Variants in RPA2 observed in about 807,000 individuals in gnomAD.
The protein encoded by RPA2 is replication protein A 32 kDa subunit.
Under a neutral mutation model 33.4 loss-of-function variants are expected in RPA2, and 22 were observed. The observed-to-expected ratio is 0.66, with a 90% CI of 0.47 to 0.94. The LOEUF (loss-of-function observed/expected upper bound fraction) is 0.94. RPA2 is among the 40% of genes least tolerant of loss of function. RPA2 has a pLI of 0.00. For missense variants in RPA2, 279 were observed against 329.9 expected, an observed-to-expected ratio of 0.85 and a Z score of 1.19; for synonymous variants, 109 against 114.9, an observed-to-expected ratio of 0.95 and a Z score of 0.33.
chr1:27,912,276 GCT>G (rs2148662917), intron 2 of RPA2, among the ~76,000 whole-genome samples: 1 of 152,052 alleles, frequency 6.6e-6, no homozygotes, highest in African/African-American at 2.4e-5. Flanking sequence ...GGGAATGGTG[GCT>G]CACACCTGTA....
At chr1:27,909,880 T>C (rs776412665) in intron 2 of RPA2, among the ~76,000 whole-genome samples, 3 of 152,232 alleles carry the variant, frequency 2.0e-5, no homozygotes, top group Non-Finnish European at 4.4e-5. Context: ...GCTATTATTA[T>C]ATTAGCTATT....
rs1312112056 is a variant in RPA2, at chr1:27,914,517, G to T, written c.-74C>A. 6.3e-6 allele frequency: 10 copies of T among 1,598,594 alleles called. No individual in the cohort carries two copies. Among genetic ancestry groups the T allele is most frequent in the Non-Finnish European group, 8.5e-6 (10 of 1,173,420 alleles). On this transcript the variant is annotated 5_prime_UTR_variant, in exon 1 of 9. Coordinates refer to ENST00000373912, the MANE Select transcript of RPA2 (RefSeq NM_002946.5). ...GAATAGCGGAAAACCACAGAACGCG[G>T]CCGCCACTGCGCCGCTCTGGCTACT...
chr1:27,914,486 C>T lies in RPA2; in HGVS notation c.-43G>A, dbSNP rs747971611. 3.7e-5 allele frequency: 59 copies of T among 1,593,708 alleles called. No homozygotes were observed. Among genetic ancestry groups the T allele is most frequent in the Non-Finnish European group, 5.0e-5 (58 of 1,169,770 alleles). ...GCAAAGAGGCCGAGAAGGTGCGGGT[C>T]TGGGGGAATAGCGGAAAACCACAGA... On this transcript the variant is annotated 5_prime_UTR_variant, in exon 1 of 9. Transcript: ENST00000373912.
chr1:27,894,786 C>T (rs1307976732), intron 6 of RPA2, among the ~76,000 whole-genome samples: 1 of 152,114 alleles, frequency 6.6e-6, no homozygotes, highest in Non-Finnish European at 1.5e-5. Context: ...GAGACACAGT[C>T]CCTATCGTCC....
At chr1:27,902,781 A>G (rs974171801) in intron 4 of RPA2, among the ~76,000 whole-genome samples, 1 of 151,396 alleles carries the variant, frequency 6.6e-6, no homozygotes, top group Non-Finnish European at 1.5e-5. Context: ...TGTTAAGGGT[A>G]TGGAAACTAA....
intron 6 of RPA2, among the ~76,000 whole-genome samples, chr1:27,895,586 C>A (rs1017115098): frequency 6.6e-6 from 1 of 151,236 alleles, no homozygotes; most frequent in Non-Finnish European, 1.5e-5. Flanking sequence ...GTGGTGGCAG[C>A]CGGGTGTGGT....
chr1:27,894,120 T>A lies in RPA2; in HGVS notation c.634-14A>T, dbSNP rs1353083717. The A allele has an allele frequency of 6.2e-7, 1 of 1,610,564 alleles. No individual in the cohort carries two copies. The highest frequency in any genetic ancestry group is 1.7e-5 in the Admixed American group (1 of 59,972). ...CAAATTCAACACCTGAAGATTCAAA[T>A]CAGAAAGATTTTAGCAATTATTTTG... is the stretch of plus-strand genomic sequence containing the variant. On this transcript the variant is annotated splice_polypyrimidine_tract_variant and intron_variant, in intron 7 of 8. Transcript: ENST00000373912.
chr1:27,895,751 C>CAAAAAA (rs1233427467), intron 6 of RPA2, among the ~76,000 whole-genome samples: 1 of 152,030 alleles, frequency 6.6e-6, no homozygotes, highest in Non-Finnish European at 1.5e-5. Flanking sequence ...AAAACAAAAA[C>CAAAAAA]AAAAAACCCA....
rs1489272556 is a variant in RPA2, at chr1:27,907,285, G to T, written c.118-3C>A. ...ACAATGTGCTGGGCTCGGGCTCTCT[G>T]AAAAGAAAAAACATGCAAAATTCAA... On this transcript the variant is annotated splice_polypyrimidine_tract_variant and splice_region_variant and intron_variant, in intron 2 of 8. Coordinates refer to ENST00000373912, the MANE Select transcript of RPA2 (RefSeq NM_002946.5). The T allele has an allele frequency of 1.3e-6, 2 of 1,592,124 alleles. No homozygotes were observed. The highest frequency in any genetic ancestry group is 1.7e-6 in the Non-Finnish European group (2 of 1,172,882).
intron 4 of RPA2, among the ~76,000 whole-genome samples, chr1:27,901,465 C>T (rs867240360): frequency 1.3e-5 from 2 of 151,532 alleles, no homozygotes; most frequent in African/African-American, 2.4e-5. Context: ...TGGGTTCAAG[C>T]GATTCTCCTG....
At chr1:27,899,513 GA>G (rs67126026) in intron 4 of RPA2, among the ~76,000 whole-genome samples, 32,575 of 108,736 alleles carry the variant, frequency 0.3, 3,097 homozygotes, top group East Asian at 0.45. Flanking sequence ...AAAAAAAAAA[GA>G]AAAAAAAAAA....
Position 27,906,932 on chromosome 1 carries a change from G to A in RPA2, c.329C>T (p.Thr110Ile), listed in dbSNP as rs750300316. The change falls in exon 4 of 9, where the codon ACA becomes ATA. Residue 110 changes from threonine (T) to isoleucine (I), a missense_variant. Transcript: ENST00000373912. The part of the protein sequence containing the change: ...APMDVRQWVD[T>I]DDTSSENTVV... ...GATTCAAAAACAGCCACTTACATCT[G>A]TGTCAACCCACTGGCGAACGTCCAT... 6.2e-7 allele frequency: 1 copy of A among 1,610,294 alleles called. No homozygotes were observed. Among genetic ancestry groups the A allele is most frequent in the South Asian group, 1.1e-5 (1 of 90,418 alleles).
intron 8 of RPA2, among the ~76,000 whole-genome samples, chr1:27,893,640 C>T (rs943162897): frequency 2.0e-5 from 3 of 152,088 alleles, no homozygotes; most frequent in African/African-American, 7.2e-5. Flanking sequence ...TGGAATCTCG[C>T]TCTGTCACCC....
At chr1:27,899,228 G>A (rs865898616) in intron 4 of RPA2, among the ~76,000 whole-genome samples, 1 of 151,650 alleles carries the variant, frequency 6.6e-6, no homozygotes, top group African/African-American at 2.4e-5. Flanking sequence ...CAAAAAAAAG[G>A]GTGGGCACAG....
intron 2 of RPA2, among the ~76,000 whole-genome samples, chr1:27,911,494 T>TA (rs1481970132): frequency 1.3e-4 from 20 of 152,184 alleles, no homozygotes; most frequent in African/African-American, 4.8e-4. Context: ...TGGAGAAAAA[T>TA]AGTTAAGCTT....
intron 4 of RPA2, among the ~76,000 whole-genome samples, chr1:27,900,789 C>T (rs980374706): frequency 5.3e-5 from 8 of 152,048 alleles, no homozygotes; most frequent in South Asian, 2.1e-4. Context: ...CTCACCCTCC[C>T]GAGTAGCCAG....
At chr1:27,906,823 C>A (rs2090034548) in intron 4 of RPA2, 105 bp downstream of exon 4, 1 of 737,066 alleles carries the variant, frequency 1.4e-6, no homozygotes, top group Non-Finnish European at 2.2e-6. Flanking sequence ...TCTTTGATGT[C>A]TTTTTGTATT....
At chr1:27,898,427 G>A (rs995385357) in intron 4 of RPA2, among the ~76,000 whole-genome samples, 3 of 151,956 alleles carry the variant, frequency 2.0e-5, no homozygotes, top group African/African-American at 7.3e-5. Flanking sequence ...TTTCCCATTT[G>A]GGACAATACA....
intron 4 of RPA2, among the ~76,000 whole-genome samples, chr1:27,900,785 C>T (rs1315591302): frequency 6.6e-6 from 1 of 152,134 alleles, no homozygotes; most frequent in African/African-American, 2.4e-5. Flanking sequence ...CTGCCTCACC[C>T]TCCCGAGTAG....
Sources: gnomAD v4.1 joint callset for allele counts (sites outside exome capture counted in the v4.1 genomes callset) on GRCh38, gnomAD v4.1.1 for gene constraint, MANE v1.5 for transcripts, NCBI Gene and HGNC (gene_info 2026-07-23, HGNC 2026-07-21) for gene names.